The following PTPRQ variants were observed in gnomAD, a reference collection of about 807,000 sequenced individuals.
The protein encoded by PTPRQ is phosphatidylinositol phosphatase PTPRQ.
A neutral mutation model predicts 246.0 loss-of-function variants in PTPRQ; 199 were observed. The observed-to-expected ratio is 0.81, with a 90% confidence interval of 0.72 to 0.91. PTPRQ has a LOEUF of 0.91. Ranked by LOEUF, PTPRQ falls within the 40% of genes least tolerant of loss-of-function variation. The pLI is 0.00. For missense variants in PTPRQ, 2,624 were observed against 2,528.4 expected (o/e 1.04, Z -0.81); for synonymous variants, 869 against 853.2 (o/e 1.02, Z -0.32).
At chr12:80,449,512 T>G (rs1480012414) in intron 3 of PTPRQ, among the ~76,000 whole-genome samples, 1 of 152,194 alleles carries the variant, frequency 6.6e-6, no homozygotes, top group East Asian at 1.9e-4. Flanking sequence ...GTTTTAGGTC[T>G]AACATTTAAG....
chr12:80,480,971 C>T (rs1206155830), intron 8 of PTPRQ, among the ~76,000 whole-genome samples: 2 of 152,118 alleles, frequency 1.3e-5, no homozygotes, highest in African/African-American at 2.4e-5. Flanking sequence ...ACCATTCCTT[C>T]TGAAACTATT....
At chr12:80,619,663 A>G (rs1417793908) in intron 31 of PTPRQ, 121 bp downstream of exon 31, 8 of 643,480 alleles carry the variant, frequency 1.2e-5, no homozygotes, top group African/African-American at 1.9e-5. Context: ...AGATTAATAG[A>G]TTGTCAATAT....
chr12:80,530,562 T>G (rs765064441), intron 17 of PTPRQ, among the ~76,000 whole-genome samples: 1 of 152,154 alleles, frequency 6.6e-6, no homozygotes, highest in Non-Finnish European at 1.5e-5. Flanking sequence ...TTTAAAAGAC[T>G]AAAATGAAAT....
In PTPRQ at chr12:80,549,765, A is replaced by G. The variant is rs528549596; in HGVS notation, c.4285+31A>G. The G allele has an allele frequency of 3.2e-4, 486 of 1,512,714 alleles. 4 individuals are homozygous for G. In the South Asian group the frequency reaches 3.9e-3, roughly 12 times the overall value. The allele number at this position is 1,512,714 out of a possible 1,614,324, so 93.7% of individuals were successfully genotyped here. On this transcript the variant is annotated intron_variant, in intron 25 of 44. Coordinates refer to ENST00000644991, the MANE Select transcript of PTPRQ (RefSeq NM_001145026.2). The stretch of plus-strand genomic sequence containing the variant: ...TAACGTGAAACAGGTAACTAACATG[A>G]AACCTTTAACTATTTGGGGATTGTG...
chr12:80,648,074 A>AT (rs907270380), intron 35 of PTPRQ, among the ~76,000 whole-genome samples: 4 of 151,702 alleles, frequency 2.6e-5, no homozygotes, highest in Non-Finnish European at 5.9e-5. Context: ...TTTTCAAACC[A>AT]TTTTTTTTCT....
chr12:80,624,836 TAAG>T (rs550981491), intron 33 of PTPRQ, among the ~76,000 whole-genome samples: 3 of 152,170 alleles, frequency 2.0e-5, no homozygotes, highest in South Asian at 2.1e-4. Context: ...CACATTGGAA[TAAG>T]AAGAATTGTC....
chr12:80,613,602 C>T lies in PTPRQ; in HGVS notation c.4929C>T (p.Asp1643=). The change falls in exon 29 of 45, where the codon GAC becomes GAT. Residue 1643 remains aspartate (D), a synonymous_variant. Transcript: ENST00000644991. ...IVTTLESAPK[D]PPNNMTFQKI... ...AATATTTTATTTTAGCCCCAAAGGA[C>T]CCACCTAACAACATGACATTTCAGA... is the stretch of plus-strand genomic sequence containing the variant. 6.5e-7 allele frequency: 1 copy of T among 1,533,278 alleles called. No individual in the cohort carries two copies. Among genetic ancestry groups the T allele is most frequent in the East Asian group, 2.5e-5 (1 of 40,122 alleles). 95.0% of individuals were successfully genotyped at this position (1,533,278 alleles called of 1,614,324 possible).
Position 80,636,615 on chromosome 12 carries a change from A to C in PTPRQ, c.5915+1542A>C, listed in dbSNP as rs200858318. ...GAAAAAATTCAAATCTCTCAATGCAATTAATTTTAGCTATTTGAACAATAT... is the reference window on the plus strand; with the variant it reads ...GAAAAAATTCAAATCTCTCAATGCACTTAATTTTAGCTATTTGAACAATAT... On this transcript the variant is annotated intron_variant, in intron 35 of 44. Coordinates refer to ENST00000644991, the MANE Select transcript of PTPRQ (RefSeq NM_001145026.2). 2.1e-3 allele frequency among the ~76,000 whole-genome samples: 326 copies of C among 152,210 alleles called. 2 individuals carry two copies. Among genetic ancestry groups the C allele is most frequent in the Admixed American group, 0.019 (283 of 15,292 alleles).
chr12:80,588,452 C>A lies in PTPRQ; in HGVS notation c.4609C>A (p.Pro1537Thr). 6.8e-7 allele frequency: 1 copy of A among 1,475,926 alleles called. No homozygotes were observed. The highest frequency in any genetic ancestry group is 1.4e-5 in the South Asian group (1 of 69,098). The allele number at this position is 1,475,926 out of a possible 1,614,324, so 91.4% of individuals were successfully genotyped here. A position where few individuals can be genotyped will look rare whatever the true frequency, so the allele number is the denominator to read the frequency against. ...GATTTCTACAAAAACTCTGCCTGGC[C>A]GTGAGTATTGTCCTGACATGTACAT... is the stretch of plus-strand genomic sequence containing the variant. ...NWISTKTLPG[P>T]PDGPPENVHV... The change falls in exon 26 of 45, where the codon CCT (proline) becomes ACT (threonine). Residue 1537 changes from proline (P) to threonine (T), a missense_variant and splice_region_variant. Pro to Thr is a conservative substitution (Grantham distance 38). Coordinates refer to ENST00000644991, the MANE Select transcript of PTPRQ (RefSeq NM_001145026.2).
rs549673973 is a variant in PTPRQ at position 80,490,794 on chromosome 12, C to G, written c.1360-2481C>G. Reference sequence around the variant, plus strand: ...TTTTTCCCTCCTATTTCTCTCATTTCTACTGCTGCTTCTCTCTGCCCCTTC... The same window carrying G: ...TTTTTCCCTCCTATTTCTCTCATTTGTACTGCTGCTTCTCTCTGCCCCTTC... On this transcript the variant is annotated intron_variant, in intron 9 of 44. Coordinates refer to ENST00000644991, the MANE Select transcript of PTPRQ (RefSeq NM_001145026.2). Among the ~76,000 whole-genome samples, 29 of 152,048 alleles carry G rather than the reference C, an allele frequency of 1.9e-4. 2 individuals carry two copies. In the South Asian group the frequency reaches 5.8e-3, roughly 30 times the overall value.
chr12:80,645,151 C>T (rs1016456914), intron 35 of PTPRQ, among the ~76,000 whole-genome samples: 4 of 151,968 alleles, frequency 2.6e-5, no homozygotes, highest in African/African-American at 9.7e-5. Flanking sequence ...AATCAGATTC[C>T]ACCTCTCTTT....
chr12:80,651,283 A>G (rs1020519117), intron 37 of PTPRQ, among the ~76,000 whole-genome samples: 9 of 152,130 alleles, frequency 5.9e-5, no homozygotes, highest in Non-Finnish European at 1.2e-4. Context: ...TATGGTAAGA[A>G]CTGCAGATGT....
intron 26 of PTPRQ, among the ~76,000 whole-genome samples, chr12:80,598,463 C>A (rs986382649): frequency 1.3e-5 from 2 of 151,924 alleles, no homozygotes; most frequent in African/African-American, 4.8e-5. Context: ...TTCTTCAGGG[C>A]CCTTGATGCC....
At chr12:80,543,900 A>G (rs749742494) in intron 23 of PTPRQ, among the ~76,000 whole-genome samples, 4 of 152,146 alleles carry the variant, frequency 2.6e-5, no homozygotes, top group Non-Finnish European at 4.4e-5. Context: ...CCCTGGTTTA[A>G]TCTTAACATT....
chr12:80,450,052 T>A (rs556357858), intron 3 of PTPRQ, among the ~76,000 whole-genome samples: 1 of 152,302 alleles, frequency 6.6e-6, no homozygotes, highest in East Asian at 1.9e-4. Flanking sequence ...TTATATTTCA[T>A]TGAGCAGTGG....
At chr12:80,560,404 T>G (rs1256492499) in intron 25 of PTPRQ, among the ~76,000 whole-genome samples, 1 of 152,234 alleles carries the variant, frequency 6.6e-6, no homozygotes, top group Non-Finnish European at 1.5e-5. Flanking sequence ...GCTTCATTAT[T>G]TAATCATAAT....
intron 38 of PTPRQ, among the ~76,000 whole-genome samples, chr12:80,654,081 CCTTTCTTTT>C (rs1900348887): frequency 1.5e-5 from 2 of 131,870 alleles, no homozygotes; most frequent in African/African-American, 5.6e-5. Context: ...TATCTCTCTT[CCTTTCTTTT>C]CTTTTCTCTT....
chr12:80,453,002 C>T (rs1009399739), intron 3 of PTPRQ, among the ~76,000 whole-genome samples: 1 of 152,198 alleles, frequency 6.6e-6, no homozygotes, highest in African/African-American at 2.4e-5. Flanking sequence ...TTCAGGTATA[C>T]CAATCATACG....
intron 3 of PTPRQ, among the ~76,000 whole-genome samples, chr12:80,451,253 T>A (rs1306724351): frequency 6.8e-6 from 1 of 147,108 alleles, no homozygotes; most frequent in Non-Finnish European, 1.5e-5. Flanking sequence ...ATTGCATCTA[T>A]TTGATTCTTC....
Sources: allele counts gnomAD v4.1 joint callset (sites outside exome capture counted in the v4.1 genomes callset), GRCh38; gene constraint gnomAD v4.1.1; transcripts MANE v1.5; gene names NCBI Gene and HGNC (gene_info 2026-07-23, HGNC 2026-07-21).